Variants in FXN observed in about 807,000 individuals in gnomAD.
FXN encodes frataxin, mitochondrial.
In FXN, 14 loss-of-function variants were observed where a neutral mutation model predicts 22.4. The observed-to-expected ratio is 0.62, with a 90% CI of 0.41 to 0.98. FXN has a LOEUF of 0.98. Among genes scored for constraint, FXN ranks in the 50% least tolerant of loss-of-function variants. The pLI is 0.00. For synonymous variants in FXN, 120 were observed against 114.1 expected, an observed-to-expected ratio of 1.05 and a Z score of -0.33; for missense variants, 267 against 268.4, an observed-to-expected ratio of 0.99 and a Z score of 0.04.
At chr9:69,063,854 TTGCATTTTTAG>T (rs1832119183) in intron 3 of FXN, among the ~76,000 whole-genome samples, 1 of 152,144 alleles carries the variant, frequency 6.6e-6, no homozygotes, top group Non-Finnish European at 1.5e-5. Flanking sequence ...TGGCTAATTT[TTGCATTTTTAG>T]TAGAGACAGG....
At position 69,075,581 on chromosome 9, in the gene FXN, C is replaced by T. The variant is rs1276148605; in HGVS notation, c.*2819C>T. Reference sequence around the variant, plus strand: ...CCACTGTGTGTACCAATAGCCTCCCCACCACAGACCCTGGGAGCATCGCCT... The same window carrying T: ...CCACTGTGTGTACCAATAGCCTCCCTACCACAGACCCTGGGAGCATCGCCT... On this transcript the variant is annotated 3_prime_UTR_variant, in exon 5 of 5. Coordinates refer to ENST00000484259, the MANE Select transcript of FXN (RefSeq NM_000144.5). The T allele has an allele frequency of 4.1e-6, 4 of 985,154 alleles. No individual in the cohort carries two copies. Among genetic ancestry groups the T allele is most frequent in the Non-Finnish European group, 4.8e-6 (4 of 829,846 alleles). The allele number at this position is 985,154 out of a possible 1,614,324, so 61.0% of individuals were successfully genotyped here.
chr9:69,042,239 GAA>G (rs36033050), intron 1 of FXN, among the ~76,000 whole-genome samples: 4 of 136,228 alleles, frequency 2.9e-5, no homozygotes, highest in Admixed American at 7.4e-5. Flanking sequence ...CTCCGTCTCA[GAA>G]AAAAAAAAAA....
chr9:69,060,014 C>A (rs533944219), intron 3 of FXN, among the ~76,000 whole-genome samples: 1 of 152,252 alleles, frequency 6.6e-6, no homozygotes, highest in African/African-American at 2.4e-5. Flanking sequence ...GAGCTAGTGA[C>A]AACAGTAATT....
chr9:69,060,066 G>A (rs1205784223), intron 3 of FXN, among the ~76,000 whole-genome samples: 2 of 152,136 alleles, frequency 1.3e-5, no homozygotes, highest in Non-Finnish European at 2.9e-5. Context: ...TCTTGACTAG[G>A]AGGAGTCAAT....
intron 1 of FXN, among the ~76,000 whole-genome samples, chr9:69,041,833 G>A (rs1831662528): frequency 6.6e-6 from 1 of 152,226 alleles, no homozygotes; most frequent in South Asian, 2.1e-4. Flanking sequence ...CACTGTGTGA[G>A]TGAGCACACA....
Position 69,035,766 on chromosome 9 carries a change from G to T in FXN, c.-17G>T. On this transcript the variant is annotated 5_prime_UTR_variant, in exon 1 of 5. Coordinates refer to ENST00000484259, the MANE Select transcript of FXN (RefSeq NM_000144.5). ...CCCAGCGCTGGAGGGCGGAGCGGGCGGCAGACCCGGAGCAGCATGTGGACT... is the reference window on the plus strand; with the variant it reads ...CCCAGCGCTGGAGGGCGGAGCGGGCTGCAGACCCGGAGCAGCATGTGGACT... 1.3e-6 allele frequency: 2 copies of T among 1,497,440 alleles called. No individual in the cohort carries two copies. Among genetic ancestry groups the T allele is most frequent in the Non-Finnish European group, 1.8e-6 (2 of 1,128,870 alleles). The allele number at this position is 1,497,440 out of a possible 1,614,324, so 92.8% of individuals were successfully genotyped here. A position where few individuals can be genotyped will look rare whatever the true frequency, so the allele number is the denominator to read the frequency against.
At position 69,046,494 on chromosome 9, in the gene FXN, C is replaced by T. The variant is rs781375252; in HGVS notation, c.263+12C>T. Reference sequence around the variant, plus strand: ...TTGGGCCACCCAGGGTAAGATAAAACACCTTCCACGTCATAGGTATCTTCC... The same window carrying T: ...TTGGGCCACCCAGGGTAAGATAAAATACCTTCCACGTCATAGGTATCTTCC... On this transcript the variant is annotated intron_variant, in intron 2 of 4. Transcript: ENST00000484259. 8.9e-6 allele frequency: 14 copies of T among 1,574,894 alleles called. 1 individual carries two copies. In the South Asian group the frequency reaches 1.6e-4, roughly 18 times the overall value.
At chr9:69,068,505 C>CGG (rs754970132) in intron 4 of FXN, among the ~76,000 whole-genome samples, 21 of 152,178 alleles carry the variant, frequency 1.4e-4, no homozygotes, top group Non-Finnish European at 2.8e-4. Context: ...GCAGAGCCCT[C>CGG]GGGAGCCACA....
chr9:69,037,392 G>C (rs1831583208), intron 1 of FXN, among the ~76,000 whole-genome samples: 1 of 152,010 alleles, frequency 6.6e-6, no homozygotes, highest in Non-Finnish European at 1.5e-5. Context: ...CTTGAGCCCG[G>C]GAGGCAGAGG....
Position 69,078,016 on chromosome 9 carries a change from C to T in FXN, c.*5254C>T, listed in dbSNP as rs1832402637. 6.1e-6 allele frequency: 6 copies of T among 985,392 alleles called. No individual in the cohort carries two copies. The highest frequency in any genetic ancestry group is 7.2e-6 in the Non-Finnish European group (6 of 829,872). The allele number at this position is 985,392 out of a possible 1,614,324, so 61.0% of individuals were successfully genotyped here. On this transcript the variant is annotated 3_prime_UTR_variant, in exon 5 of 5. Transcript: ENST00000484259. The stretch of plus-strand genomic sequence containing the variant: ...ATAAGACAATATCATTTCCCAATTA[C>T]ATTCCTTTCCTACCGCACTCTATGA...
Position 69,071,280 on chromosome 9 carries a change from C to T in FXN, c.483-1332C>T. 5.8e-6 allele frequency: 3 copies of T among 519,046 alleles called. No individual in the cohort carries two copies. In the Middle Eastern group the frequency reaches 9.5e-4, roughly 165 times the overall value. The allele number at this position is 519,046 out of a possible 1,614,324, so 32.2% of individuals were successfully genotyped here. ...GATGGTTTGGTTCACTCATTTTTAT[C>T]TCCATACTGGGAACAGGTTCAAGCC... On this transcript the variant is annotated intron_variant, in intron 4 of 4. Coordinates refer to ENST00000484259, the MANE Select transcript of FXN (RefSeq NM_000144.5).
At chr9:69,051,419 CTT>C (rs1322717134) in intron 2 of FXN, among the ~76,000 whole-genome samples, 6 of 143,536 alleles carry the variant, frequency 4.2e-5, no homozygotes, top group Admixed American at 7.0e-5. Flanking sequence ...TCTTTCTTTT[CTT>C]TTTTTTTTTT....
chr9:69,046,288 A>G (rs1477641372), intron 1 of FXN, 97 bp from the exon 2 acceptor site: 1 of 868,866 alleles, frequency 1.2e-6, no homozygotes, highest in Non-Finnish European at 1.9e-6. Flanking sequence ...ACTCGGTTAC[A>G]GGCACTCGAA....
At chr9:69,052,873 C>T (rs113457034) in intron 2 of FXN, among the ~76,000 whole-genome samples, 5 of 151,430 alleles carry the variant, frequency 3.3e-5, no homozygotes, top group African/African-American at 1.2e-4. Flanking sequence ...GGGCACGGTG[C>T]CTTACGCCTG....
At chr9:69,048,867 A>C (rs1162258090) in intron 2 of FXN, among the ~76,000 whole-genome samples, 1 of 152,208 alleles carries the variant, frequency 6.6e-6, no homozygotes, top group Non-Finnish European at 1.5e-5. Context: ...CAAGGTCTGA[A>C]GAACCTCTGA....
Position 69,047,983 on chromosome 9 carries a change from G to C in FXN, c.263+1501G>C, listed in dbSNP as rs538447370. 1.8e-3 allele frequency among the ~76,000 whole-genome samples: 280 copies of C among 152,262 alleles called. 1 individual carries two copies. Among genetic ancestry groups the C allele is most frequent in the African/African-American group, 5.8e-3 (242 of 41,562 alleles). The stretch of plus-strand genomic sequence containing the variant: ...TCCGCCCGCCTCGGCCTCCCAAAGT[G>C]CTGGGATTACTGGCATGAGCCACTG... On this transcript the variant is annotated intron_variant, in intron 2 of 4. Coordinates refer to ENST00000484259, the MANE Select transcript of FXN (RefSeq NM_000144.5).
At chr9:69,040,705 GC>G (rs1454158662) in intron 1 of FXN, among the ~76,000 whole-genome samples, 3 of 152,068 alleles carry the variant, frequency 2.0e-5, no homozygotes, top group African/African-American at 4.8e-5. Context: ...TATTTATACT[GC>G]TTATAAACTA....
chr9:69,069,173 G>A (rs1832226163), intron 4 of FXN, among the ~76,000 whole-genome samples: 1 of 152,180 alleles, frequency 6.6e-6, no homozygotes, highest in Non-Finnish European at 1.5e-5. Context: ...AGACCAGCCT[G>A]GGCAACATAG....
intron 4 of FXN, among the ~76,000 whole-genome samples, chr9:69,068,665 T>C (rs958743946): frequency 6.6e-6 from 1 of 152,214 alleles, no homozygotes; most frequent in Non-Finnish European, 1.5e-5. Flanking sequence ...TGTGGTGGCC[T>C]TCACAGTCAG....
Sources: gnomAD v4.1 joint callset for allele counts (sites outside exome capture counted in the v4.1 genomes callset) on GRCh38, gnomAD v4.1.1 for gene constraint, MANE v1.5 for transcripts, NCBI Gene and HGNC (gene_info 2026-07-23, HGNC 2026-07-21) for gene names.